The following FANCD2OS variants were observed in gnomAD, a reference collection of about 807,000 sequenced individuals.
FANCD2OS encodes the protein FANCD2 opposite strand protein.
FANCD2OS carries 11 observed loss-of-function variants against 13.2 expected under a neutral mutation model. That is an observed-to-expected ratio of 0.83 (90% CI 0.52 to 1.38). The LOEUF (loss-of-function observed/expected upper bound fraction) is 1.38, where lower values mean the gene tolerates loss of function less well. FANCD2OS is among the 40% of genes most tolerant of loss of function. The pLI, the probability that FANCD2OS is intolerant of heterozygous loss-of-function variation, is 0.00. For missense variants in FANCD2OS, 217 were observed against 213.9 expected, an observed-to-expected ratio of 1.01 and a Z score of -0.09; for synonymous variants, 69 against 84.5, an observed-to-expected ratio of 0.82 and a Z score of 1.01.
At chr3:10,084,693 C>T (rs1349324680) in intron 2 of FANCD2OS, among the ~76,000 whole-genome samples, 2 of 152,150 alleles carry the variant, frequency 1.3e-5, no homozygotes. Flanking sequence ...CTAATAGGCC[C>T]TCAGAATACA....
At chr3:10,099,663 CAGG>C (rs1173628257), downstream of FANCD2OS, 1 of 153,330 alleles carries the variant, frequency 6.5e-6, no homozygotes, top group East Asian at 1.9e-4. Context: ...GAGGCTGAGG[CAGG>C]AGAATCACTT....
rs756495861 is a variant in FANCD2OS, at chr3:10,104,490, G to T, written c.285C>A (p.Arg95=). The change falls in exon 2 of 2, where the codon CGC becomes CGA. Residue 95 remains arginine, a synonymous_variant. Transcript: ENST00000450660. ...CAAAGACAGAATCTACTCCACTGAG[G>T]CGGATGGGCTGGGGCTTCCTGACCA... is the stretch of plus-strand genomic sequence containing the variant. ...KGLVRKPQPI[R]LSGVDSVFGR... The T allele has an allele frequency of 6.2e-7, 1 of 1,614,188 alleles. No individual in the cohort carries two copies. The highest frequency in any genetic ancestry group is 1.3e-5 in the African/African-American group (1 of 75,032).
At chr3:10,081,431 G>C in exon 3 of FANCD2OS, 1 of 1,614,064 alleles carries the variant, frequency 6.2e-7, no homozygotes, top group African/African-American at 1.3e-5. Flanking sequence ...TGCTATCAGA[G>C]GCTGCTGCAG....
chr3:10,090,741 C>T (rs549383233), intron 2 of FANCD2OS, among the ~76,000 whole-genome samples: 6 of 152,302 alleles, frequency 3.9e-5, no homozygotes, highest in Non-Finnish European at 7.3e-5. Flanking sequence ...TACAGACGTG[C>T]GCCACTGCGC....
intron 2 of FANCD2OS, among the ~76,000 whole-genome samples, chr3:10,092,906 G>A (rs1455076073): frequency 6.6e-6 from 1 of 151,766 alleles, no homozygotes; most frequent in African/African-American, 2.4e-5. Flanking sequence ...TCCCCAGGCT[G>A]GCCTCGAACT....
chr3:10,107,542 T>C (rs1695534269), intron 1 of FANCD2OS, among the ~76,000 whole-genome samples: 1 of 151,734 alleles, frequency 6.6e-6, no homozygotes, highest in Non-Finnish European at 1.5e-5. Flanking sequence ...CGTCTCGGCC[T>C]CCCAAAGTGC....
chr3:10,099,146 G>A (rs1695155510), downstream of FANCD2OS: 1 of 1,460,028 alleles, frequency 6.8e-7, no homozygotes, highest in Non-Finnish European at 9.0e-7. Flanking sequence ...TCTGAGTGTT[G>A]AGAAGAATGA....
chr3:10,087,566 G>T (rs1694295427), intron 2 of FANCD2OS, among the ~76,000 whole-genome samples: 1 of 151,756 alleles, frequency 6.6e-6, no homozygotes, highest in Non-Finnish European at 1.5e-5. Context: ...GACAAAACGA[G>T]ACATAAATCA....
intron 1 of FANCD2OS, among the ~76,000 whole-genome samples, chr3:10,105,768 AAAATTAT>A (rs1199982339): frequency 1.6e-4 from 8 of 51,384 alleles, no homozygotes; most frequent in African/African-American, 8.4e-4. Context: ...AAAAAAAAAA[AAAATTAT>A]ATATATATAT....
At chr3:10,087,921 A>G (rs1254989970) in intron 2 of FANCD2OS, among the ~76,000 whole-genome samples, 1 of 152,186 alleles carries the variant, frequency 6.6e-6, no homozygotes, top group Non-Finnish European at 1.5e-5. Flanking sequence ...TGCTGGGATT[A>G]CAGACGTGAG....
chr3:10,106,930 T>C (rs541238589), intron 1 of FANCD2OS, among the ~76,000 whole-genome samples: 228 of 152,254 alleles, frequency 1.5e-3, no homozygotes, highest in Non-Finnish European at 2.7e-3. Context: ...GTTGGTGACA[T>C]TTCAGACCAG....
At chr3:10,098,880 G>T, downstream of FANCD2OS, 2 of 1,614,160 alleles carry the variant, frequency 1.2e-6, no homozygotes, top group Non-Finnish European at 1.7e-6. Context: ...GTTCTAAGTT[G>T]GTGGAGCAGA....
rs1239986149 is a variant in FANCD2OS, at chr3:10,095,407, G to T, written c.*43+8791C>A. ...TGTCTGTCCAAAGGCAGTTTATTCA[G>T]AGCAAATCCTTAGTTGCTCCTTGAG... On this transcript the variant is annotated intron_variant, in intron 2 of 2. Transcript: ENST00000524279. The T allele has an allele frequency of 4.0e-6, 3 of 757,306 alleles. No homozygotes were observed. In the Admixed American group the frequency reaches 6.1e-5, roughly 15 times the overall value. The allele number at this position is 757,306 out of a possible 1,614,324, so 46.9% of individuals were successfully genotyped here.
At chr3:10,088,601 G>C in intron 2 of FANCD2OS, 1 of 1,259,604 alleles carries the variant, frequency 7.9e-7, no homozygotes. Context: ...TGCTACTGTT[G>C]TTTGTCAGAG....
intron 2 of FANCD2OS, among the ~76,000 whole-genome samples, chr3:10,089,608 T>C (rs1694460752): frequency 6.6e-6 from 1 of 152,150 alleles, no homozygotes. Context: ...TAACTGGGAT[T>C]ATAGGCACCC....
intron 1 of FANCD2OS, among the ~76,000 whole-genome samples, chr3:10,105,413 C>A (rs965285462): frequency 6.6e-6 from 1 of 151,918 alleles, no homozygotes; most frequent in South Asian, 2.1e-4. Context: ...CATGATGAGA[C>A]CTTATTACTT....
intron 2 of FANCD2OS, chr3:10,094,176 T>TTA (rs933241767): frequency 8.9e-6 from 7 of 786,938 alleles, no homozygotes; most frequent in Admixed American, 2.1e-5. Context: ...AATTTGTTTT[T>TTA]TATATATATA....
Position 10,106,588 on chromosome 3 carries a change from G to A in FANCD2OS, c.-9+1427C>T, listed in dbSNP as rs183221884. Among the ~76,000 whole-genome samples the A allele has an allele frequency of 3.3e-3, 500 of 152,156 alleles. 2 individuals carry two copies. Among genetic ancestry groups the A allele is most frequent in the African/African-American group, 0.011 (469 of 41,512 alleles). On this transcript the variant is annotated intron_variant, in intron 1 of 1. Coordinates refer to ENST00000450660, the MANE Select transcript of FANCD2OS (RefSeq NM_001164839.2). ...CTGTGAAAATTTTGACACCTTCACC[G>A]CCGTTTGTGAGATAGAAAAGTTCGT... is the stretch of plus-strand genomic sequence containing the variant.
intron 2 of FANCD2OS, among the ~76,000 whole-genome samples, chr3:10,096,963 G>C (rs35489304): frequency 1.3e-5 from 2 of 152,212 alleles, no homozygotes; most frequent in East Asian, 3.9e-4. Context: ...GAAATAAAGG[G>C]ACAGAGTACA....
Sources: allele counts gnomAD v4.1 joint callset (sites outside exome capture counted in the v4.1 genomes callset), GRCh38; gene constraint gnomAD v4.1.1; transcripts MANE v1.5; gene names NCBI Gene and HGNC (gene_info 2026-07-23, HGNC 2026-07-21).